LRRTM3: variants seen among roughly 807,000 people sequenced by gnomAD.
The protein encoded by LRRTM3 is leucine rich repeat transmembrane neuronal 3.
LRRTM3 carries 24 observed loss-of-function variants against 44.7 expected under a neutral mutation model. The ratio of observed to expected loss-of-function variants is 0.54; its 90% CI spans 0.39 to 0.76. The LOEUF is 0.76. Ranked by LOEUF, LRRTM3 falls within the 30% of genes least tolerant of loss-of-function variation. LRRTM3 has a pLI of 0.00. For missense variants in LRRTM3, 587 were observed against 702.2 expected (o/e 0.84, Z 1.85); for synonymous variants, 277 against 278.7 (o/e 0.99, Z 0.06).
chr10:67,090,117 A>C (rs558894211), intron 2 of LRRTM3, among the ~76,000 whole-genome samples: 47 of 152,212 alleles, frequency 3.1e-4, no homozygotes, highest in African/African-American at 1.0e-3. Flanking sequence ...TAAAAACCCC[A>C]AAGGTCTTCC....
At chr10:67,067,114 A>T (rs148859344) in intron 2 of LRRTM3, among the ~76,000 whole-genome samples, 7 of 152,338 alleles carry the variant, frequency 4.6e-5, no homozygotes, top group Non-Finnish European at 1.0e-4. Context: ...CCAGAAAGTC[A>T]TTATGTATTC....
chr10:67,066,814 C>G (rs537112311), intron 2 of LRRTM3, among the ~76,000 whole-genome samples: 321 of 152,282 alleles, frequency 2.1e-3, no homozygotes, highest in African/African-American at 7.1e-3. Context: ...AGCTTACCAT[C>G]TAGCAGAAGG....
chr10:66,928,542 GC>G, intron 2 of LRRTM3, 90 bp downstream of exon 2: 6 of 1,220,612 alleles, frequency 4.9e-6, no homozygotes, highest in South Asian at 1.6e-5. Context: ...GGAACGCGAT[GC>G]CCCCCCTCCC....
At chr10:67,028,044 G>A (rs1853498298) in intron 2 of LRRTM3, among the ~76,000 whole-genome samples, 1 of 152,156 alleles carries the variant, frequency 6.6e-6, no homozygotes, top group Non-Finnish European at 1.5e-5. Context: ...AAGACCAGCT[G>A]AAGTTCAGAG....
At chr10:66,958,460 CTTT>C (rs34122059) in intron 2 of LRRTM3, among the ~76,000 whole-genome samples, 145 of 151,566 alleles carry the variant, frequency 9.6e-4, no homozygotes, top group Admixed American at 2.2e-3. Context: ...AAATAAAAAG[CTTT>C]TTTTTTTAAA....
chr10:66,927,526 A>T lies in LRRTM3; in HGVS notation c.610A>T (p.Met204Leu), dbSNP rs770808958. 2.5e-6 allele frequency: 4 copies of T among 1,614,194 alleles called. No homozygotes were observed. The highest frequency in any genetic ancestry group is 3.4e-6 in the Non-Finnish European group (4 of 1,180,034). Residue 204 changes from methionine to leucine, a missense_variant, in exon 2 of 3, where the codon ATG becomes TTG. Around this residue, in one of 3 missense-constraint regions of LRRTM3, gnomAD observed 222 missense variants for 323.3 expected, o/e 0.69. Coordinates refer to ENST00000361320, the MANE Select transcript of LRRTM3 (RefSeq NM_178011.5). The surrounding 1 kb of genome is among the most constrained non-coding windows in gnomAD (Gnocchi z 4.7). Reference protein sequence around the residue: ...RSLARNVFAGMIRLKELHLEH... With the variant: ...RSLARNVFAGLIRLKELHLEH... ...TTTAGCCAGGAATGTCTTTGCTGGCATGATCAGACTCAAAGAACTTCACCT... is the reference window on the plus strand; with the variant it reads ...TTTAGCCAGGAATGTCTTTGCTGGCTTGATCAGACTCAAAGAACTTCACCT...
rs2394340 is a variant in LRRTM3 at position 67,101,514 on chromosome 10, T to C, written c.*3718T>C. Among the ~76,000 whole-genome samples, 83,344 of 151,452 alleles carry C rather than the reference T, an allele frequency of 0.55. 24,567 individuals are homozygous for C. The highest frequency in any genetic ancestry group is 0.77 in the African/African-American group (32,036 of 41,402). ...ATTGATGTATAGAACCTAAAACATA[T>C]GCTAACTTGCAAATAATATATTTTA... On this transcript the variant is annotated 3_prime_UTR_variant, in exon 3 of 3. Coordinates refer to ENST00000361320, the MANE Select transcript of LRRTM3 (RefSeq NM_178011.5).
rs530784612 is a variant in LRRTM3, at chr10:67,008,926, G to C, written c.1536+80474G>C. Among the ~76,000 whole-genome samples the C allele has an allele frequency of 5.9e-5, 9 of 152,120 alleles. No individual in the cohort carries two copies. The East Asian group carries it at 1.7e-3, about 29-fold the overall frequency. Reference sequence around the variant, plus strand: ...TTCTTATGGGCTTGAAAATGTTTGTGCATTTGAATTTATATTTAAAAGATA... The same window carrying C: ...TTCTTATGGGCTTGAAAATGTTTGTCCATTTGAATTTATATTTAAAAGATA... On this transcript the variant is annotated intron_variant, in intron 2 of 2. Transcript: ENST00000361320.
At chr10:66,947,139 A>T (rs1367732301) in intron 2 of LRRTM3, among the ~76,000 whole-genome samples, 6 of 151,928 alleles carry the variant, frequency 3.9e-5, no homozygotes, top group South Asian at 2.1e-4. Flanking sequence ...TGATTGTATT[A>T]GAAAAAACTT....
intron 2 of LRRTM3, among the ~76,000 whole-genome samples, chr10:67,063,365 C>G (rs2133227100): frequency 6.6e-6 from 1 of 152,086 alleles, no homozygotes; most frequent in East Asian, 1.9e-4. Context: ...CTAGATAAAG[C>G]TGAATGTGAT....
intron 2 of LRRTM3, among the ~76,000 whole-genome samples, chr10:66,985,569 G>A (rs78426190): frequency 0.011 from 1,750 of 152,212 alleles, 33 homozygotes; most frequent in African/African-American, 0.04. Flanking sequence ...CAGAAGTAAG[G>A]CAGACCAACG....
chr10:67,029,110 C>T (rs912883386), intron 2 of LRRTM3, among the ~76,000 whole-genome samples: 1 of 152,178 alleles, frequency 6.6e-6, no homozygotes, highest in Non-Finnish European at 1.5e-5. Context: ...GCTGATCTTT[C>T]TTTATGTCTC....
At chr10:66,999,372 T>A (rs1363487357) in intron 2 of LRRTM3, among the ~76,000 whole-genome samples, 3 of 152,250 alleles carry the variant, frequency 2.0e-5, no homozygotes, top group South Asian at 2.1e-4. Context: ...AAACTTGGGA[T>A]TCCTGAAAAA....
intron 2 of LRRTM3, among the ~76,000 whole-genome samples, chr10:66,937,276 G>A (rs1483466355): frequency 1.3e-5 from 2 of 152,070 alleles, no homozygotes; most frequent in African/African-American, 4.8e-5. Flanking sequence ...GTAAAACAAT[G>A]TAGTTATCAT....
chr10:66,977,474 C>T (rs952307200), intron 2 of LRRTM3, among the ~76,000 whole-genome samples: 1 of 151,938 alleles, frequency 6.6e-6, no homozygotes, highest in African/African-American at 2.4e-5. Context: ...TGATATGACC[C>T]TCAGCCTAAG....
chr10:67,026,999 T>A (rs1853431506), intron 2 of LRRTM3, among the ~76,000 whole-genome samples: 1 of 152,206 alleles, frequency 6.6e-6, no homozygotes, highest in African/African-American at 2.4e-5. Flanking sequence ...AAATAAATGA[T>A]GATAAAACAT....
chr10:66,953,650 G>A (rs1056187121), intron 2 of LRRTM3, among the ~76,000 whole-genome samples: 1 of 152,036 alleles, frequency 6.6e-6, no homozygotes, highest in African/African-American at 2.4e-5. Context: ...ATTGCTTAGA[G>A]AATTTCATCT....
intron 2 of LRRTM3, among the ~76,000 whole-genome samples, chr10:66,965,605 C>G (rs1849372561): frequency 6.6e-6 from 1 of 150,498 alleles, no homozygotes; most frequent in African/African-American, 2.4e-5. Flanking sequence ...TAAATATTTC[C>G]CAGGAGGGCA....
Position 66,978,552 on chromosome 10 carries a change from A to AAAATATATATATATAT in LRRTM3, c.1536+50101_1536+50102insAATATATATATATATA. Among the ~76,000 whole-genome samples the AAAATATATATATATAT allele has an allele frequency of 4.3e-3, 164 of 37,890 alleles. 3 individuals carry two copies. The highest frequency in any genetic ancestry group is 5.5e-3 in the Non-Finnish European group (113 of 20,636). 24.9% of individuals were successfully genotyped at this position (37,890 alleles called of 152,430 possible). ...AAAAAAAAAAAAAAAAAAAAAAAAA[A>AAAATATATATATATAT]ATATATATATATATATATAGTATGG... is the stretch of plus-strand genomic sequence containing the variant. On this transcript the variant is annotated intron_variant, in intron 2 of 2. Transcript: ENST00000361320.
Sources: allele counts gnomAD v4.1 joint callset (sites outside exome capture counted in the v4.1 genomes callset), GRCh38; gene constraint gnomAD v4.1.1; regional missense constraint gnomAD v4.1.1; non-coding constraint Gnocchi (gnomAD v3.1); transcripts MANE v1.5; gene names NCBI Gene and HGNC (gene_info 2026-07-23, HGNC 2026-07-21).